The following CTNND2 variants were observed in gnomAD, a reference collection of about 807,000 sequenced individuals.
CTNND2 encodes the protein catenin delta-2.
CTNND2 carries 22 observed loss-of-function variants against 144.4 expected under a neutral mutation model. The ratio of observed to expected loss-of-function variants is 0.15; its 90% CI spans 0.11 to 0.22. CTNND2 has a LOEUF of 0.22. Ranked by LOEUF, CTNND2 falls within the 10% of genes least tolerant of loss-of-function variation. The pLI, the probability that CTNND2 is intolerant of heterozygous loss-of-function variation, is 1.00. For missense variants in CTNND2, 1,353 were observed against 1,618.8 expected (o/e 0.84, Z 2.82); for synonymous variants, 751 against 695.6 (o/e 1.08, Z -1.25).
intron 14 of CTNND2, among the ~76,000 whole-genome samples, chr5:11,107,484 C>T (rs1304937896): frequency 2.6e-5 from 4 of 152,116 alleles, no homozygotes; most frequent in South Asian, 4.1e-4. Context: ...TGGCCAATAC[C>T]GATATCCTGA....
intron 9 of CTNND2, among the ~76,000 whole-genome samples, chr5:11,282,856 A>G (rs537197215): frequency 6.6e-6 from 1 of 152,302 alleles, no homozygotes; most frequent in Non-Finnish European, 1.5e-5. Flanking sequence ...TGCCCTGGCT[A>G]TTTATTGTAC....
At chr5:11,463,854 C>CAAAA (rs34924245) in intron 3 of CTNND2, among the ~76,000 whole-genome samples, 1 of 123,570 alleles carries the variant, frequency 8.1e-6, no homozygotes, top group Non-Finnish European at 1.8e-5. Flanking sequence ...GCGTCCCTTA[C>CAAAA]AAAAAAAAAA....
chr5:11,220,474 T>C (rs1561042244), intron 10 of CTNND2, among the ~76,000 whole-genome samples: 1 of 152,142 alleles, frequency 6.6e-6, no homozygotes, highest in Non-Finnish European at 1.5e-5. Context: ...GTTCCAAAGC[T>C]CACCCAGCCC....
intron 8 of CTNND2, among the ~76,000 whole-genome samples, chr5:11,350,949 A>G (rs1242537256): frequency 1.3e-5 from 2 of 152,206 alleles, no homozygotes; most frequent in East Asian, 1.9e-4. Context: ...AGAATTTTGA[A>G]ATCAATCAAT....
At chr5:11,540,602 T>C (rs568182334) in intron 3 of CTNND2, among the ~76,000 whole-genome samples, 1 of 152,286 alleles carries the variant, frequency 6.6e-6, no homozygotes, top group African/African-American at 2.4e-5. Context: ...CTGCTACCTC[T>C]GCCTCCTGGG....
At chr5:11,104,427 A>G (rs1035613275) in intron 14 of CTNND2, among the ~76,000 whole-genome samples, 3 of 152,148 alleles carry the variant, frequency 2.0e-5, no homozygotes, top group Non-Finnish European at 4.4e-5. Context: ...AGCACTATGT[A>G]CTTTAAAAAG....
At chr5:11,289,387 G>A (rs1326606134) in intron 9 of CTNND2, among the ~76,000 whole-genome samples, 1 of 152,186 alleles carries the variant, frequency 6.6e-6, no homozygotes, top group Non-Finnish European at 1.5e-5. Flanking sequence ...AACATTCTAT[G>A]CTTTTTAACT....
At chr5:11,267,840 C>T (rs1745610812) in intron 9 of CTNND2, among the ~76,000 whole-genome samples, 1 of 152,132 alleles carries the variant, frequency 6.6e-6, no homozygotes, top group Non-Finnish European at 1.5e-5. Context: ...GAATGAGAGG[C>T]ATTTTGCCTC....
At chr5:11,714,086 G>A (rs566191026) in intron 2 of CTNND2, among the ~76,000 whole-genome samples, 12 of 152,148 alleles carry the variant, frequency 7.9e-5, no homozygotes, top group Non-Finnish European at 1.8e-4. Context: ...GTGAGTGATG[G>A]CTTAATTTAT....
At chr5:11,794,372 T>C (rs766478865) in intron 1 of CTNND2, among the ~76,000 whole-genome samples, 6 of 152,204 alleles carry the variant, frequency 3.9e-5, no homozygotes, top group Non-Finnish European at 7.3e-5. Context: ...TGAAACACAA[T>C]AGCTACTGAT....
rs535608055 is a variant in CTNND2, at chr5:11,381,160, G to A, written c.1177+3505C>T. Among the ~76,000 whole-genome samples, 10 of 152,156 alleles carry A rather than the reference G, an allele frequency of 6.6e-5. No individual in the cohort carries two copies. In the South Asian group the frequency reaches 1.7e-3, roughly 25 times the overall value. ...GAACTATAATACCCACTTCCATAAC[G>A]TCCAATGCTTCCATCTTAACCCAAA... On this transcript the variant is annotated intron_variant, in intron 7 of 21. Transcript: ENST00000304623.
At chr5:11,254,816 C>G (rs1413391165) in intron 9 of CTNND2, among the ~76,000 whole-genome samples, 1 of 152,146 alleles carries the variant, frequency 6.6e-6, no homozygotes, top group East Asian at 1.9e-4. Flanking sequence ...AATTATCTGG[C>G]CCAAAATCTC....
intron 12 of CTNND2, among the ~76,000 whole-genome samples, chr5:11,155,582 C>G (rs956129885): frequency 3.9e-5 from 6 of 152,094 alleles, no homozygotes; most frequent in African/African-American, 1.4e-4. Flanking sequence ...GGAGGCAGAG[C>G]GTAGAAATGA....
intron 16 of CTNND2, among the ~76,000 whole-genome samples, chr5:11,040,691 T>C (rs1744608395): frequency 6.6e-6 from 1 of 152,194 alleles, no homozygotes; most frequent in African/African-American, 2.4e-5. Context: ...TTTGCTGAAG[T>C]TCCTTTTTGA....
chr5:11,137,700 A>C (rs1756300909), intron 12 of CTNND2, among the ~76,000 whole-genome samples: 3 of 152,224 alleles, frequency 2.0e-5, no homozygotes. Flanking sequence ...CCTAGCAAAC[A>C]AAACAATAAT....
At chr5:11,099,826 GA>G (rs1751706595) in intron 14 of CTNND2, among the ~76,000 whole-genome samples, 2 of 152,080 alleles carry the variant, frequency 1.3e-5, no homozygotes, top group Non-Finnish European at 2.9e-5. Context: ...TCAGTTCTGA[GA>G]AAAATCACAG....
chr5:11,734,370 A>G (rs576127769), intron 1 of CTNND2, among the ~76,000 whole-genome samples: 9 of 152,188 alleles, frequency 5.9e-5, no homozygotes, highest in African/African-American at 1.9e-4. Context: ...GAGAGGGACC[A>G]GGTGGGAGGT....
chr5:11,255,852 G>A (rs1744179419), intron 9 of CTNND2, among the ~76,000 whole-genome samples: 1 of 152,180 alleles, frequency 6.6e-6, no homozygotes, highest in Non-Finnish European at 1.5e-5. Context: ...TTTGGAAACT[G>A]TGATGGTTTC....
At chr5:11,822,825 CCCTACG>C (rs1793387440) in intron 1 of CTNND2, among the ~76,000 whole-genome samples, 1 of 152,092 alleles carries the variant, frequency 6.6e-6, no homozygotes, top group Non-Finnish European at 1.5e-5. Flanking sequence ...GTGGATCCTT[CCCTACG>C]CATGTTTTCA....
Sources: gnomAD v4.1 joint callset for allele counts (sites outside exome capture counted in the v4.1 genomes callset) on GRCh38, gnomAD v4.1.1 for gene constraint, MANE v1.5 for transcripts, NCBI Gene and HGNC (gene_info 2026-07-23, HGNC 2026-07-21) for gene names.